XYLB: variants seen among roughly 807,000 people sequenced by gnomAD.
XYLB encodes the protein xylulose kinase.
A neutral mutation model predicts 78.7 loss-of-function variants in XYLB; 62 were observed. The ratio of observed to expected loss-of-function variants is 0.79; its 90% CI spans 0.64 to 0.97. XYLB has a LOEUF of 0.97. Among genes scored for constraint, XYLB ranks in the 50% least tolerant of loss-of-function variants. The probability of loss-of-function intolerance (pLI) is 0.00; values close to 1 mark genes in which losing one functional copy is unlikely to be tolerated. For synonymous variants in XYLB, 245 were observed against 247.4 expected (o/e 0.99, Z 0.09); for missense variants, 687 against 676.8 (o/e 1.02, Z -0.17).
chr3:38,362,171 T>A (rs818839), intron 3 of XYLB, among the ~76,000 whole-genome samples: 4 of 152,168 alleles, frequency 2.6e-5, no homozygotes, highest in Non-Finnish European at 5.9e-5. Flanking sequence ...ACTTCCCTGT[T>A]GCAGTGAAGT....
intron 7 of XYLB, 104 bp from the exon 8 acceptor site, chr3:38,368,081 A>T: frequency 8.3e-5 from 87 of 1,049,690 alleles, no homozygotes; most frequent in Non-Finnish European, 1.2e-4. Flanking sequence ...CAAAGTTTCC[A>T]CTTCCCTCTC....
intron 6 of XYLB, 144 bp from the exon 7 acceptor site, chr3:38,366,664 A>G (rs1315829374): frequency 3.2e-6 from 2 of 615,724 alleles, no homozygotes; most frequent in South Asian, 2.0e-5. Flanking sequence ...AGCGCACACT[A>G]CTGTGCCTGG....
At chr3:38,361,291 A>G (rs1705956780) in intron 3 of XYLB, among the ~76,000 whole-genome samples, 1 of 151,992 alleles carries the variant, frequency 6.6e-6, no homozygotes, top group African/African-American at 2.4e-5. Flanking sequence ...TCCAGGGGCT[A>G]CCTCATCATA....
the XYLB span, among the ~76,000 whole-genome samples, chr3:38,429,145 T>C: frequency 1.2e-3 from 185 of 152,326 alleles, 1 homozygote; most frequent in Middle Eastern, 0.01. Flanking sequence ...AGCACAATTC[T>C]GAAGAGTCAT....
intron 15 of XYLB, among the ~76,000 whole-genome samples, chr3:38,393,563 G>A (rs1282812815): frequency 6.6e-6 from 1 of 152,186 alleles, no homozygotes; most frequent in Non-Finnish European, 1.5e-5. Flanking sequence ...CCATAAGAAT[G>A]TGCCACAGAA....
At chr3:38,451,475 T>G in the XYLB span, 1 of 152,110 alleles carries the variant, frequency 6.6e-6, no homozygotes, top group Non-Finnish European at 1.5e-5. Flanking sequence ...ATACAAAACT[T>G]AGCTGGGCAT....
chr3:38,360,453 C>A, intron 3 of XYLB, 45 bp downstream of exon 3: 1 of 1,499,046 alleles, frequency 6.7e-7, no homozygotes, highest in Non-Finnish European at 9.0e-7. Flanking sequence ...CAGGCTGTCT[C>A]ACTGGCAGAC....
intron 2 of XYLB, chr3:38,356,697 G>T (rs1340711909): frequency 6.6e-6 from 1 of 152,134 alleles, no homozygotes; most frequent in African/African-American, 2.4e-5. Context: ...ATTCCTTTTT[G>T]TGGTTCAGTA....
At chr3:38,374,819 G>C (rs1225827011) in intron 11 of XYLB, among the ~76,000 whole-genome samples, 2 of 152,216 alleles carry the variant, frequency 1.3e-5, no homozygotes. Flanking sequence ...GAGCAGCGCA[G>C]ATGAATAAGG....
chr3:38,397,321 C>T (rs933397064), intron 17 of XYLB, among the ~76,000 whole-genome samples, 162 bp downstream of exon 17: 2 of 152,116 alleles, frequency 1.3e-5, no homozygotes, highest in African/African-American at 4.8e-5. Flanking sequence ...TGAGAACCAA[C>T]CCATACTCTC....
chr3:38,408,523 A>G lies in XYLB; in HGVS notation c.1534-4413A>G, dbSNP rs529729308. ...TTCAAAAGCTAGCAGAAGGCAAGAA[A>G]TAACTAAAATCAGAGAAGAACTGAA... is the stretch of plus-strand genomic sequence containing the variant. On this transcript the variant is annotated intron_variant, in intron 18 of 18. Coordinates refer to ENST00000207870, the MANE Select transcript of XYLB (RefSeq NM_005108.4). 7.0e-3 allele frequency among the ~76,000 whole-genome samples: 1,057 copies of G among 151,884 alleles called. 7 individuals are homozygous for G. Among genetic ancestry groups the G allele is most frequent in the African/African-American group, 0.025 (1,017 of 41,484 alleles).
At chr3:38,442,253 G>T in the XYLB span, among the ~76,000 whole-genome samples, 1 of 152,188 alleles carries the variant, frequency 6.6e-6, no homozygotes, top group Admixed American at 6.5e-5. Context: ...TAAATGCTTT[G>T]TACCCTTGAT....
chr3:38,429,191 C>G, the XYLB span, among the ~76,000 whole-genome samples: 2 of 152,106 alleles, frequency 1.3e-5, no homozygotes, highest in Admixed American at 1.3e-4. Context: ...TTGGCCAAGG[C>G]TATTATTGGA....
At chr3:38,441,434 T>A in the XYLB span, among the ~76,000 whole-genome samples, 1 of 152,204 alleles carries the variant, frequency 6.6e-6, no homozygotes, top group African/African-American at 2.4e-5. Flanking sequence ...CAGCAGTATG[T>A]AAGTTAAGGT....
At chr3:38,403,918 G>C (rs1708214884) in intron 18 of XYLB, among the ~76,000 whole-genome samples, 1 of 151,992 alleles carries the variant, frequency 6.6e-6, no homozygotes, top group South Asian at 2.1e-4. Context: ...CCAACAGCAG[G>C]TTGCAAGCAG....
chr3:38,407,408 T>A (rs1231318434), intron 18 of XYLB, among the ~76,000 whole-genome samples: 2 of 150,050 alleles, frequency 1.3e-5, no homozygotes, highest in Admixed American at 6.6e-5. Context: ...AGGAACAACC[T>A]GTACCAGCCA....
At position 38,346,937 on chromosome 3, in the gene XYLB, T is replaced by G. The variant is rs752362023; in HGVS notation, c.57+12T>G. ...TCAGCACGCAGCAGGTACAGTCGCC[T>G]GGCCGCAGGGCCACGGGGCCGCCTC... is the stretch of plus-strand genomic sequence containing the variant. On this transcript the variant is annotated intron_variant, in intron 1 of 18. Transcript: ENST00000207870. 15 of 1,469,106 alleles carry G rather than the reference T, an allele frequency of 1.0e-5. No homozygotes were observed. Among genetic ancestry groups the G allele is most frequent in the Admixed American group, 7.1e-5 (3 of 42,380 alleles). The allele number at this position is 1,469,106 out of a possible 1,614,324, so 91.0% of individuals were successfully genotyped here.
At chr3:38,355,969 G>A (rs368908641) in intron 2 of XYLB, 1 of 583,954 alleles carries the variant, frequency 1.7e-6, no homozygotes. Context: ...AAAATACTGG[G>A]GCCAGGTGTG....
the XYLB span, among the ~76,000 whole-genome samples, chr3:38,448,860 A>G: frequency 6.6e-6 from 1 of 152,170 alleles, no homozygotes; most frequent in African/African-American, 2.4e-5. Flanking sequence ...GGGTGGAGCT[A>G]AACATTTCCC....
Sources: allele counts gnomAD v4.1 joint callset (sites outside exome capture counted in the v4.1 genomes callset), GRCh38; gene constraint gnomAD v4.1.1; transcripts MANE v1.5; gene names NCBI Gene and HGNC (gene_info 2026-07-23, HGNC 2026-07-21).